NDEL1: variants seen among roughly 807,000 people sequenced by gnomAD.
The protein encoded by NDEL1 is nudE neurodevelopment protein 1 like 1.
A neutral mutation model predicts 45.7 loss-of-function variants in NDEL1; 9 were observed. That is an observed-to-expected ratio of 0.20 (90% CI 0.12 to 0.34). The LOEUF (loss-of-function observed/expected upper bound fraction) is 0.34. NDEL1 is among the 10% of genes least tolerant of loss of function. The probability of loss-of-function intolerance (pLI) is 1.00; values close to 1 mark genes in which losing one functional copy is unlikely to be tolerated. For missense variants in NDEL1, 306 were observed against 406.2 expected, an observed-to-expected ratio of 0.75 and a Z score of 2.12; for synonymous variants, 133 against 158.6, an observed-to-expected ratio of 0.84 and a Z score of 1.21.
At chr17:8,423,795 T>A (rs1290360790) in intron 1 of NDEL1, among the ~76,000 whole-genome samples, 2 of 152,172 alleles carry the variant, frequency 1.3e-5, no homozygotes, top group Non-Finnish European at 2.9e-5. Flanking sequence ...ATTCCTAAGA[T>A]CTGTGTTGCA....
chr17:8,423,905 A>T (rs779038640), intron 1 of NDEL1, among the ~76,000 whole-genome samples: 1 of 152,212 alleles, frequency 6.6e-6, no homozygotes, highest in Non-Finnish European at 1.5e-5. Context: ...TTTTAAAAAA[A>T]TTTTAACAGA....
rs138863036 is a variant in NDEL1 at position 8,466,939 on chromosome 17, C to T, written c.954C>T (p.Asn318=). 377 of 1,614,212 alleles carry T rather than the reference C, an allele frequency of 2.3e-4. No individual in the cohort carries two copies. The African/African-American group carries it at 3.1e-3, about 13-fold the overall frequency. Reference sequence around the variant, plus strand: ...CTGGTTGCTCCCACAGGGCAGTAAACGGCTTTGACCCCGCTCCTCCTCCTC... The same window carrying T: ...CTGGTTGCTCCCACAGGGCAGTAAATGGCTTTGACCCCGCTCCTCCTCCTC... ...HTSFFDKGAV[N]GFDPAPPPPG... The change falls in exon 9 of 9, where the codon AAC becomes AAT. Residue 318 remains asparagine (N), a synonymous_variant. Transcript: ENST00000334527.
At chr17:8,455,142 G>A (rs560056407) in intron 7 of NDEL1, among the ~76,000 whole-genome samples, 1 of 152,282 alleles carries the variant, frequency 6.6e-6, no homozygotes, top group Non-Finnish European at 1.5e-5. Context: ...TCAACAGCAC[G>A]ATGCCTCTGT....
chr17:8,433,821 CA>C (rs1008641687), upstream of NDEL1, among the ~76,000 whole-genome samples: 21 of 146,448 alleles, frequency 1.4e-4, no homozygotes, highest in African/African-American at 4.8e-4. Context: ...TGGCCCTGTG[CA>C]AAAAAAAAAT....
intron 8 of NDEL1, 123 bp downstream of exon 8, chr17:8,460,283 A>T (rs1273907234): frequency 1.9e-6 from 2 of 1,056,030 alleles, no homozygotes; most frequent in Admixed American, 5.5e-5. Flanking sequence ...GCCTGTTATC[A>T]TTCTAATCTT....
intron 1 of NDEL1, among the ~76,000 whole-genome samples, chr17:8,441,271 A>G (rs1239222639): frequency 6.6e-6 from 1 of 152,180 alleles, no homozygotes; most frequent in African/African-American, 2.4e-5. Context: ...ATTATAGGCT[A>G]AAAAGGCAAG....
intron 2 of NDEL1, 133 bp from the exon 3 acceptor site, chr17:8,445,578 C>A: frequency 2.2e-6 from 2 of 905,438 alleles, no homozygotes; most frequent in Non-Finnish European, 1.6e-6. Flanking sequence ...AGATGCAAAA[C>A]AGATTGTCTT....
At chr17:8,423,969 G>A (rs1908762131) in intron 1 of NDEL1, among the ~76,000 whole-genome samples, 2 of 152,094 alleles carry the variant, frequency 1.3e-5, no homozygotes, top group South Asian at 4.1e-4. Context: ...AGAATTTTGA[G>A]GAAATTACCT....
At chr17:8,443,435 A>G (rs1290309904) in intron 1 of NDEL1, among the ~76,000 whole-genome samples, 1 of 152,046 alleles carries the variant, frequency 6.6e-6, no homozygotes, top group African/African-American at 2.4e-5. Context: ...GGTAGAGAAA[A>G]CCTGGAGTAG....
Position 8,465,707 on chromosome 17 carries a change from GT to G in NDEL1, c.945-1222del, listed in dbSNP as rs1373616373. ...CTCCCTGGAGCCGTCTGATGAGTAG[GT>G]GGGGGCAGTAGTGGGCAGGTGTGGT... On this transcript the variant is annotated intron_variant, in intron 8 of 8. Coordinates refer to ENST00000334527, the MANE Select transcript of NDEL1 (RefSeq NM_030808.5). The surrounding 1 kb of genome is among the most constrained non-coding windows in gnomAD (Gnocchi z 4.9). The G allele has an allele frequency of 6.6e-6, 1 of 152,146 alleles. No individual in the cohort carries two copies. 9.4% of individuals were successfully genotyped at this position (152,146 alleles called of 1,614,324 possible).
intron 7 of NDEL1, among the ~76,000 whole-genome samples, chr17:8,458,611 T>G (rs1911002058): frequency 6.6e-6 from 1 of 152,200 alleles, no homozygotes; most frequent in Non-Finnish European, 1.5e-5. Context: ...TTATGCTTAT[T>G]CAGAGTTTGT....
At chr17:8,466,821 G>A (rs1486056445) in intron 8 of NDEL1, 109 bp from the exon 9 acceptor site, 2 of 1,115,254 alleles carry the variant, frequency 1.8e-6, no homozygotes, top group Non-Finnish European at 2.6e-6. Flanking sequence ...CCTACAGCCT[G>A]CGAGGAATAG....
chr17:8,456,429 G>A (rs1181661016), intron 7 of NDEL1, among the ~76,000 whole-genome samples: 4 of 140,158 alleles, frequency 2.9e-5, no homozygotes, highest in African/African-American at 7.9e-5. Flanking sequence ...TTTATTTTTT[G>A]TTCTTTTAAA....
At chr17:8,427,392 G>T (rs541758074) in intron 1 of NDEL1, among the ~76,000 whole-genome samples, 2 of 152,234 alleles carry the variant, frequency 1.3e-5, no homozygotes, top group East Asian at 3.9e-4. Context: ...GACATGAGTT[G>T]GTTACCATTC....
chr17:8,435,852 G>C (rs1432665725), upstream of NDEL1: 3 of 442,254 alleles, frequency 6.8e-6, no homozygotes, highest in African/African-American at 2.1e-5. Context: ...CCCCGCCCCC[G>C]TGCGTCACAG....
At chr17:8,456,834 CT>C (rs927905427) in intron 7 of NDEL1, among the ~76,000 whole-genome samples, 43 of 152,152 alleles carry the variant, frequency 2.8e-4, no homozygotes, top group African/African-American at 1.0e-3. Context: ...TGTTCTCTCC[CT>C]TTCTTCCCCA....
At chr17:8,454,769 A>G in intron 6 of NDEL1, 27 bp from the exon 7 acceptor site, 1 of 1,565,556 alleles carries the variant, frequency 6.4e-7, no homozygotes, top group South Asian at 1.1e-5. Context: ...CTGCAAGTGT[A>G]ATCACTCAGC....
chr17:8,425,788 T>C (rs1409031375), intron 1 of NDEL1, among the ~76,000 whole-genome samples: 1 of 151,942 alleles, frequency 6.6e-6, no homozygotes, highest in Non-Finnish European at 1.5e-5. Context: ...TTTGTCTTTT[T>C]TTTTTTTCTT....
Position 8,467,038 on chromosome 17 carries a change from G to A in NDEL1, c.*15G>A, listed in dbSNP as rs755683186. On this transcript the variant is annotated 3_prime_UTR_variant, in exon 9 of 9. Coordinates refer to ENST00000334527, the MANE Select transcript of NDEL1 (RefSeq NM_030808.5). The surrounding 1 kb of genome is among the most constrained non-coding windows in gnomAD (Gnocchi z 6.3). ...TCAGTGTGTGAGTGCCTAGCCTCCAGGTGGGGGCTCCTGCCCTCCTCCAAC... is the reference window on the plus strand; with the variant it reads ...TCAGTGTGTGAGTGCCTAGCCTCCAAGTGGGGGCTCCTGCCCTCCTCCAAC... 7 of 1,612,574 alleles carry A rather than the reference G, an allele frequency of 4.3e-6. No individual in the cohort carries two copies. Among genetic ancestry groups the A allele is most frequent in the Non-Finnish European group, 4.2e-6 (5 of 1,178,800 alleles).
Sources: gnomAD v4.1 joint callset for allele counts (sites outside exome capture counted in the v4.1 genomes callset) on GRCh38, gnomAD v4.1.1 for gene constraint, Gnocchi (gnomAD v3.1) non-coding constraint, MANE v1.5 for transcripts, NCBI Gene and HGNC (gene_info 2026-07-23, HGNC 2026-07-21) for gene names.